The following ZMAT4 variants were observed in gnomAD, a reference collection of about 807,000 sequenced individuals.
The protein encoded by ZMAT4 is zinc finger matrin-type 4.
A neutral mutation model predicts 28.7 loss-of-function variants in ZMAT4; 17 were observed. That is an observed-to-expected ratio of 0.59 (90% CI 0.41 to 0.89). The LOEUF (loss-of-function observed/expected upper bound fraction) is 0.89, where lower values mean the gene tolerates loss of function less well. ZMAT4 is among the 40% of genes least tolerant of loss of function. ZMAT4 has a pLI of 0.00. For missense variants in ZMAT4, 240 were observed against 283.8 expected, an observed-to-expected ratio of 0.85 and a Z score of 1.11; for synonymous variants, 117 against 109.2, an observed-to-expected ratio of 1.07 and a Z score of -0.44.
At chr8:40,821,409 A>G (rs951940408) in intron 2 of ZMAT4, among the ~76,000 whole-genome samples, 2 of 150,592 alleles carry the variant, frequency 1.3e-5, no homozygotes, top group African/African-American at 4.9e-5. Context: ...TATATTTCCT[A>G]CTGAAATGTT....
chr8:40,539,502 G>T (rs984186851), intron 6 of ZMAT4, among the ~76,000 whole-genome samples: 3 of 152,206 alleles, frequency 2.0e-5, no homozygotes, highest in African/African-American at 7.2e-5. Context: ...TAGGTTTTAA[G>T]CTTGATTTTA....
intron 2 of ZMAT4, among the ~76,000 whole-genome samples, chr8:40,802,227 T>G (rs1163394312): frequency 1.3e-5 from 2 of 152,130 alleles, no homozygotes; most frequent in Non-Finnish European, 2.9e-5. Context: ...TCCTAGCTAA[T>G]GCAATAAGGA....
At chr8:40,759,683 G>A (rs1470968409) in intron 3 of ZMAT4, among the ~76,000 whole-genome samples, 3 of 152,094 alleles carry the variant, frequency 2.0e-5, no homozygotes, top group Non-Finnish European at 1.5e-5. Flanking sequence ...AACAAGGGTC[G>A]ACTGTCTTGG....
At chr8:40,544,181 C>T (rs945266284) in intron 6 of ZMAT4, among the ~76,000 whole-genome samples, 4 of 152,114 alleles carry the variant, frequency 2.6e-5, no homozygotes, top group African/African-American at 9.7e-5. Flanking sequence ...GCTGAAGGTG[C>T]CATCTGGCTT....
intron 3 of ZMAT4, among the ~76,000 whole-genome samples, chr8:40,742,009 C>T (rs937629675): frequency 4.0e-5 from 6 of 151,820 alleles, no homozygotes; most frequent in South Asian, 2.1e-4. Flanking sequence ...GAGGCTGAGG[C>T]GGGCAGATCA....
At chr8:40,596,997 T>C (rs1285229602) in intron 5 of ZMAT4, among the ~76,000 whole-genome samples, 1 of 152,224 alleles carries the variant, frequency 6.6e-6, no homozygotes. Context: ...CTGAGCCTCA[T>C]TTTCTCTTTT....
intron 1 of ZMAT4, among the ~76,000 whole-genome samples, chr8:40,874,635 T>C (rs759255095): frequency 8.5e-5 from 13 of 152,234 alleles, no homozygotes; most frequent in Non-Finnish European, 1.5e-4. Flanking sequence ...ATACTTAGAA[T>C]GTGTTTCTCT....
chr8:40,788,307 G>A (rs560250596), intron 2 of ZMAT4, among the ~76,000 whole-genome samples: 78 of 152,314 alleles, frequency 5.1e-4, no homozygotes, highest in African/African-American at 1.9e-3. Context: ...TAAATAGGCT[G>A]GGCACGGTGG....
At chr8:40,612,805 G>GTTTTTT (rs1491257030) in intron 5 of ZMAT4, among the ~76,000 whole-genome samples, 6 of 93,582 alleles carry the variant, frequency 6.4e-5, no homozygotes, top group East Asian at 2.1e-4. Flanking sequence ...CTGTATTTTG[G>GTTTTTT]TTTTTGTTTT....
intron 1 of ZMAT4, among the ~76,000 whole-genome samples, chr8:40,873,649 C>T (rs1817939495): frequency 6.6e-6 from 1 of 152,154 alleles, no homozygotes; most frequent in African/African-American, 2.4e-5. Flanking sequence ...AAAGGAGCCC[C>T]CACACCTGCC....
At chr8:40,673,402 G>C (rs1325096281) in intron 5 of ZMAT4, among the ~76,000 whole-genome samples, 1 of 152,022 alleles carries the variant, frequency 6.6e-6, no homozygotes. Flanking sequence ...CCAGATTACG[G>C]TAATTAGAAT....
chr8:40,589,879 C>G (rs1330879773), intron 5 of ZMAT4, among the ~76,000 whole-genome samples: 7 of 144,834 alleles, frequency 4.8e-5, no homozygotes, highest in Non-Finnish European at 1.1e-4. Context: ...GTCCTCTTCC[C>G]CTTCCCCTTC....
intron 3 of ZMAT4, among the ~76,000 whole-genome samples, chr8:40,766,210 C>T (rs761235911): frequency 6.6e-6 from 1 of 152,188 alleles, no homozygotes; most frequent in Non-Finnish European, 1.5e-5. Context: ...TTTCTTTGTG[C>T]AGGATGTTAA....
At chr8:40,601,886 A>G (rs1805407448) in intron 5 of ZMAT4, among the ~76,000 whole-genome samples, 1 of 152,108 alleles carries the variant, frequency 6.6e-6, no homozygotes, top group Non-Finnish European at 1.5e-5. Flanking sequence ...TAATTTTTTC[A>G]GTAGGGTTTT....
intron 6 of ZMAT4, among the ~76,000 whole-genome samples, chr8:40,543,325 C>G (rs1211193133): frequency 1.3e-5 from 2 of 152,188 alleles, no homozygotes; most frequent in African/African-American, 4.8e-5. Flanking sequence ...GTGGCAACCC[C>G]CAGGGCATCC....
intron 4 of ZMAT4, among the ~76,000 whole-genome samples, chr8:40,683,754 T>G (rs917089071): frequency 6.6e-6 from 1 of 152,158 alleles, no homozygotes; most frequent in Non-Finnish European, 1.5e-5. Context: ...TTATGAATTT[T>G]TTTTCAATTT....
chr8:40,755,145 A>T (rs1180613262), intron 3 of ZMAT4, among the ~76,000 whole-genome samples: 2 of 152,242 alleles, frequency 1.3e-5, no homozygotes, highest in Admixed American at 6.5e-5. Flanking sequence ...AACAAAGCCA[A>T]ATAGCAACAA....
Position 40,742,771 on chromosome 8 carries a change from AC to A in ZMAT4, c.192+24869del, listed in dbSNP as rs1175999217. Reference sequence around the variant, plus strand: ...CATGCACACACACACACACACACACACACACACACACACACACACACAAACA... The same window carrying A: ...CATGCACACACACACACACACACACAACACACACACACACACACACAAACA... On this transcript the variant is annotated intron_variant, in intron 3 of 6. Coordinates refer to ENST00000297737, the MANE Select transcript of ZMAT4 (RefSeq NM_024645.3). Among the ~76,000 whole-genome samples, 1,213 of 152,148 alleles carry A rather than the reference AC, an allele frequency of 8.0e-3. 18 individuals are homozygous for A. The highest frequency in any genetic ancestry group is 0.028 in the African/African-American group (1,148 of 41,458).
chr8:40,882,270 T>G (rs1458099269), intron 1 of ZMAT4, among the ~76,000 whole-genome samples: 4 of 152,172 alleles, frequency 2.6e-5, no homozygotes. Flanking sequence ...TTCCAAGCAT[T>G]GCAGGAATTT....
Sources: allele counts gnomAD v4.1 joint callset (sites outside exome capture counted in the v4.1 genomes callset), GRCh38; gene constraint gnomAD v4.1.1; transcripts MANE v1.5; gene names NCBI Gene and HGNC (gene_info 2026-07-23, HGNC 2026-07-21).